The following TYR variants were observed in gnomAD, a reference collection of about 807,000 sequenced individuals.
The protein encoded by TYR is LB24-AB.
TYR carries 58 observed loss-of-function variants against 51.5 expected under a neutral mutation model. The observed-to-expected ratio is 1.13, with a 90% CI of 0.91 to 1.40. TYR has a LOEUF of 1.40. Among genes scored for constraint, TYR ranks in the 40% most tolerant of loss-of-function variants. The probability of loss-of-function intolerance (pLI) is 0.00; values close to 1 mark genes in which losing one functional copy is unlikely to be tolerated. For synonymous variants in TYR, 263 were observed against 235.2 expected, an observed-to-expected ratio of 1.12 and a Z score of -1.08; for missense variants, 732 against 647.4, an observed-to-expected ratio of 1.13 and a Z score of -1.42.
chr11:89,214,274 T>C (rs1318906165), intron 2 of TYR, among the ~76,000 whole-genome samples: 4 of 152,118 alleles, frequency 2.6e-5, no homozygotes, highest in African/African-American at 7.2e-5. Flanking sequence ...AATAGACATA[T>C]GAAAAAATCC....
chr11:89,234,398 T>C (rs1046512376), intron 3 of TYR, among the ~76,000 whole-genome samples: 2 of 143,976 alleles, frequency 1.4e-5, no homozygotes, highest in Non-Finnish European at 3.0e-5. Context: ...TTATTGTGTG[T>C]GTTTACTGGA....
At position 89,191,384 on chromosome 11, in the gene TYR, A is replaced by G. The variant is rs561223226; in HGVS notation, c.1002A>G (p.Lys334=). ...AATATGAATCTGGTTCCATGGATAA[A>G]GCTGCCAATTTCAGCTTTAGAAATA... ...LTQYESGSMD[K]AANFSFRNTL... Residue 334 remains lysine, a synonymous_variant, in exon 2 of 5, where the codon AAA becomes AAG. Transcript: ENST00000263321. 6 of 1,613,704 alleles carry G rather than the reference A, an allele frequency of 3.7e-6. No individual in the cohort carries two copies. In the South Asian group the frequency reaches 6.6e-5, roughly 18 times the overall value.
chr11:89,224,125 G>A (rs1943947087), intron 2 of TYR, among the ~76,000 whole-genome samples: 1 of 152,078 alleles, frequency 6.6e-6, no homozygotes, highest in Non-Finnish European at 1.5e-5. Context: ...GGAGGGAGAT[G>A]CGTGATGCTA....
At position 89,178,117 on chromosome 11, in the gene TYR, G is replaced by A. The variant is rs28940879; in HGVS notation, c.164G>A (p.Cys55Tyr). The A allele has an allele frequency of 3.7e-6, 6 of 1,614,080 alleles. No individual in the cohort carries two copies. Among genetic ancestry groups the A allele is most frequent in the East Asian group, 4.5e-5 (2 of 44,882 alleles). Residue 55 changes from cysteine to tyrosine, a missense_variant, in exon 1 of 5, where the codon TGT becomes TAT. Coordinates refer to ENST00000263321, the MANE Select transcript of TYR (RefSeq NM_000372.5). ...PCGQLSGRGS[C>Y]QNILLSNAPL... ...GGCCAGCTTTCAGGCAGAGGTTCCT[G>A]TCAGAATATCCTTCTGTCCAATGCA... is the stretch of plus-strand genomic sequence containing the variant.
Position 89,178,104 on chromosome 11 carries a change from G to A in TYR, c.151G>A (p.Gly51Ser). 2 of 1,614,200 alleles carry A rather than the reference G, an allele frequency of 1.2e-6. No individual in the cohort carries two copies. The highest frequency in any genetic ancestry group is 1.7e-6 in the Non-Finnish European group (2 of 1,180,042). Residue 51 changes from glycine (G) to serine (S), a missense_variant, in exon 1 of 5, where the codon GGC (glycine) becomes AGC (serine). Physicochemically the swap from Gly to Ser is moderately conservative, Grantham distance 56 (BLOSUM62 0). Coordinates refer to ENST00000263321, the MANE Select transcript of TYR (RefSeq NM_000372.5). ...CAGGAGTCCCTGTGGCCAGCTTTCA[G>A]GCAGAGGTTCCTGTCAGAATATCCT... ...GDRSPCGQLSGRGSCQNILLS... is the reference protein window; with the variant it reads ...GDRSPCGQLSSRGSCQNILLS...
intron 2 of TYR, among the ~76,000 whole-genome samples, chr11:89,223,046 A>G (rs929152973): frequency 3.9e-5 from 6 of 152,216 alleles, no homozygotes; most frequent in African/African-American, 1.4e-4. Context: ...AGAAATTTCC[A>G]AGGGTAAGTC....
chr11:89,239,454 T>A (rs887273797), intron 3 of TYR, among the ~76,000 whole-genome samples: 2 of 152,078 alleles, frequency 1.3e-5, no homozygotes, highest in Non-Finnish European at 2.9e-5. Flanking sequence ...CATCTTCTTT[T>A]TTTTCTTATT....
At chr11:89,223,761 A>G (rs956044214) in intron 2 of TYR, among the ~76,000 whole-genome samples, 1 of 152,162 alleles carries the variant, frequency 6.6e-6, no homozygotes, top group Non-Finnish European at 1.5e-5. Context: ...ATTATTTAAA[A>G]TTGTTACTAT....
chr11:89,262,466 A>G (rs1222791966), intron 3 of TYR, among the ~76,000 whole-genome samples: 1 of 152,002 alleles, frequency 6.6e-6, no homozygotes, highest in Admixed American at 6.6e-5. Flanking sequence ...CTAAACTCAA[A>G]TAAGAAGAAA....
chr11:89,253,629 T>C (rs1219933961), intron 3 of TYR, among the ~76,000 whole-genome samples: 3 of 151,824 alleles, frequency 2.0e-5, no homozygotes, highest in Admixed American at 2.0e-4. Flanking sequence ...CTCAGCTTGG[T>C]TGCTGTTGGT....
chr11:89,254,934 C>G (rs1409824258), intron 3 of TYR, among the ~76,000 whole-genome samples: 2 of 151,638 alleles, frequency 1.3e-5, no homozygotes, highest in Non-Finnish European at 3.0e-5. Flanking sequence ...CTTTTTCAGA[C>G]TTTTTGATGT....
At chr11:89,227,725 A>G in intron 2 of TYR, 98 bp from the exon 3 acceptor site, 1 of 1,033,424 alleles carries the variant, frequency 9.7e-7, no homozygotes. Context: ...ATATTTTGAA[A>G]CAGTCTTCAA....
rs566255424 is a variant in TYR, at chr11:89,208,867, A to G, written c.1036+17449A>G. On this transcript the variant is annotated intron_variant, in intron 2 of 4. Transcript: ENST00000263321. Reference sequence around the variant, plus strand: ...TTTATAAAGAAAGATTTTCCATATCAATCAATTTTTATGGCCACTATTTAT... The same window carrying G: ...TTTATAAAGAAAGATTTTCCATATCGATCAATTTTTATGGCCACTATTTAT... Among the ~76,000 whole-genome samples, 3 of 152,330 alleles carry G rather than the reference A, an allele frequency of 2.0e-5. 1 individual carries two copies. In the South Asian group the frequency reaches 6.2e-4, roughly 32 times the overall value.
chr11:89,277,368 G>A (rs887536339), intron 3 of TYR, among the ~76,000 whole-genome samples: 1 of 151,730 alleles, frequency 6.6e-6, no homozygotes, highest in South Asian at 2.1e-4. Flanking sequence ...TTCTCAAAGA[G>A]AGTGTGATTG....
At chr11:89,217,717 C>A (rs552714333) in intron 2 of TYR, among the ~76,000 whole-genome samples, 66 of 152,122 alleles carry the variant, frequency 4.3e-4, no homozygotes, top group Non-Finnish European at 7.9e-4. Context: ...TTAGTTCTGG[C>A]CTGGGCTGGC....
At chr11:89,179,501 G>C (rs1401045700) in intron 1 of TYR, among the ~76,000 whole-genome samples, 1 of 151,992 alleles carries the variant, frequency 6.6e-6, no homozygotes, top group Non-Finnish European at 1.5e-5. Context: ...CTATTTTAGA[G>C]GTTATAAAGG....
intron 3 of TYR, among the ~76,000 whole-genome samples, chr11:89,229,559 C>CAA (rs950548513): frequency 1.6e-5 from 2 of 128,256 alleles, no homozygotes; most frequent in African/African-American, 3.6e-5. Flanking sequence ...AGCAATTAGG[C>CAA]AAAAAAAAAG....
chr11:89,182,377 T>A (rs1267515986), intron 1 of TYR, among the ~76,000 whole-genome samples: 2 of 152,158 alleles, frequency 1.3e-5, no homozygotes, highest in Non-Finnish European at 2.9e-5. Flanking sequence ...GGATTCCCAA[T>A]GCCAAGGATA....
chr11:89,271,150 T>A (rs900403579), intron 3 of TYR, among the ~76,000 whole-genome samples: 13 of 151,814 alleles, frequency 8.6e-5, no homozygotes, highest in African/African-American at 2.7e-4. Flanking sequence ...AATAATAACA[T>A]CTATACTTAC....
Sources: allele counts gnomAD v4.1 joint callset (sites outside exome capture counted in the v4.1 genomes callset), GRCh38; gene constraint gnomAD v4.1.1; transcripts MANE v1.5; gene names NCBI Gene and HGNC (gene_info 2026-07-23, HGNC 2026-07-21).